The following ELOVL5 variants were observed in gnomAD, a reference collection of about 807,000 sequenced individuals.
ELOVL5 encodes very long chain fatty acid elongase 5.
In ELOVL5, 8 loss-of-function variants were observed where a neutral mutation model predicts 38.6. That is an observed-to-expected ratio of 0.21 (90% CI 0.12 to 0.37). ELOVL5 has a LOEUF of 0.37. Ranked by LOEUF, ELOVL5 falls within the 10% of genes least tolerant of loss-of-function variation. ELOVL5 has a pLI of 1.00. For synonymous variants in ELOVL5, 127 were observed against 133.7 expected, an observed-to-expected ratio of 0.95 and a Z score of 0.34; for missense variants, 280 against 367.8, an observed-to-expected ratio of 0.76 and a Z score of 1.95.
intron 1 of ELOVL5, among the ~76,000 whole-genome samples, chr6:53,306,250 AGGG>A (rs1423183807): frequency 5.6e-4 from 1 of 1,772 alleles, no homozygotes; most frequent in Non-Finnish European, 9.0e-4. Flanking sequence ...GAGAGGGGAG[AGGG>A]GAGAGGGAGA....
At chr6:53,300,083 T>C (rs1405024501) in intron 1 of ELOVL5, among the ~76,000 whole-genome samples, 1 of 152,186 alleles carries the variant, frequency 6.6e-6, no homozygotes, top group Non-Finnish European at 1.5e-5. Context: ...TCCTGAGCTG[T>C]GGATCCCAAG....
At chr6:53,296,682 C>G (rs1767014379) in intron 1 of ELOVL5, among the ~76,000 whole-genome samples, 2 of 152,160 alleles carry the variant, frequency 1.3e-5, no homozygotes, top group South Asian at 4.1e-4. Context: ...CCTCCATCTT[C>G]TAAGATTCTA....
intron 3 of ELOVL5, among the ~76,000 whole-genome samples, chr6:53,290,771 C>T (rs1298300589): frequency 6.7e-6 from 1 of 150,278 alleles, no homozygotes. Flanking sequence ...GACAGGGAGA[C>T]ACCATCATGG....
chr6:53,296,926 G>T (rs548964362), intron 1 of ELOVL5, among the ~76,000 whole-genome samples: 1 of 152,286 alleles, frequency 6.6e-6, no homozygotes, highest in Non-Finnish European at 1.5e-5. Flanking sequence ...TGTATTCACT[G>T]GCTAATTTTA....
chr6:53,333,945 G>A (rs973907241), intron 1 of ELOVL5, among the ~76,000 whole-genome samples: 7 of 152,038 alleles, frequency 4.6e-5, no homozygotes, highest in African/African-American at 4.8e-5. Context: ...ATGATACCAC[G>A]TTGCCTGTCT....
At chr6:53,287,519 G>A (rs1766617899) in intron 3 of ELOVL5, among the ~76,000 whole-genome samples, 2 of 152,170 alleles carry the variant, frequency 1.3e-5, no homozygotes, top group South Asian at 4.1e-4. Context: ...ATGCATCATA[G>A]TCCGTGGGAA....
intron 5 of ELOVL5, among the ~76,000 whole-genome samples, chr6:53,273,976 C>T (rs1460320432): frequency 2.0e-5 from 3 of 152,222 alleles, no homozygotes; most frequent in African/African-American, 4.8e-5. Flanking sequence ...CCAAACCAAG[C>T]CATCTGGCTT....
At chr6:53,311,458 T>A (rs931099301) in intron 1 of ELOVL5, among the ~76,000 whole-genome samples, 4 of 152,198 alleles carry the variant, frequency 2.6e-5, no homozygotes, top group Admixed American at 6.5e-5. Context: ...AATTACCATA[T>A]GACCCAGCAA....
intron 1 of ELOVL5, among the ~76,000 whole-genome samples, chr6:53,301,080 G>T (rs960669597): frequency 6.6e-6 from 1 of 152,270 alleles, no homozygotes; most frequent in Non-Finnish European, 1.5e-5. Context: ...ATACTCTTTT[G>T]TACTAAAGGA....
chr6:53,283,494 C>T (rs1419165235), intron 3 of ELOVL5, among the ~76,000 whole-genome samples: 3 of 152,152 alleles, frequency 2.0e-5, no homozygotes, highest in Admixed American at 2.0e-4. Flanking sequence ...AAAGGCAACA[C>T]AGCAAATGGT....
At position 53,268,081 on chromosome 6, in the gene ELOVL5, CT is replaced by C. The variant is rs1283246404; in HGVS notation, c.*1045del. ...TTTTACCTTAAAAAGTTCTAAGGTC[CT>C]TTCCCCCCCTTTGTTAATTTTGGTA... is the stretch of plus-strand genomic sequence containing the variant. On this transcript the variant is annotated 3_prime_UTR_variant, in exon 8 of 8. Coordinates refer to ENST00000304434, the MANE Select transcript of ELOVL5 (RefSeq NM_021814.5). 6.6e-6 allele frequency: 1 copy of C among 152,144 alleles called. No individual in the cohort carries two copies. The highest frequency in any genetic ancestry group is 2.4e-5 in the African/African-American group (1 of 41,426). The allele number at this position is 152,144 out of a possible 1,614,324, so 9.4% of individuals were successfully genotyped here.
Position 53,348,846 on chromosome 6 carries a change from G to C in ELOVL5, c.-38C>G, listed in dbSNP as rs1237079836. The C allele has an allele frequency of 4.4e-6, 2 of 458,868 alleles. No homozygotes were observed. The highest frequency in any genetic ancestry group is 3.1e-5 in the South Asian group (2 of 65,050). 28.4% of individuals were successfully genotyped at this position (458,868 alleles called of 1,614,324 possible). On this transcript the variant is annotated 5_prime_UTR_variant, in exon 1 of 8. Transcript: ENST00000304434. ...TAGCCCAAGGGGCGGCAGCAGCTTT[G>C]AGCAGCAGCAAGGCGGCGGCGGCGG...
intron 1 of ELOVL5, among the ~76,000 whole-genome samples, chr6:53,319,632 C>T (rs1232090950): frequency 6.6e-6 from 1 of 151,940 alleles, no homozygotes; most frequent in Non-Finnish European, 1.5e-5. Flanking sequence ...ATTAATATTC[C>T]CTATTTCCTT....
intron 1 of ELOVL5, among the ~76,000 whole-genome samples, chr6:53,308,995 A>G (rs1767714892): frequency 6.6e-6 from 1 of 152,116 alleles, no homozygotes; most frequent in South Asian, 2.1e-4. Flanking sequence ...ACACTGTGTG[A>G]CATGGTACAC....
At chr6:53,276,531 C>T (rs1166497146) in intron 3 of ELOVL5, among the ~76,000 whole-genome samples, 1 of 152,142 alleles carries the variant, frequency 6.6e-6, no homozygotes, top group Admixed American at 6.5e-5. Context: ...ACCCTCAGCC[C>T]GTCACCCCCT....
chr6:53,314,586 T>C (rs980965479), intron 1 of ELOVL5, among the ~76,000 whole-genome samples: 3 of 152,206 alleles, frequency 2.0e-5, no homozygotes, highest in Non-Finnish European at 4.4e-5. Context: ...TGGCAAGTGG[T>C]AGGGACAGAG....
chr6:53,279,667 A>G lies in ELOVL5; in HGVS notation c.247-3411T>C, dbSNP rs114826062. Among the ~76,000 whole-genome samples, 667 of 152,350 alleles carry G rather than the reference A, an allele frequency of 4.4e-3. 8 individuals are homozygous for G. The highest frequency in any genetic ancestry group is 0.015 in the African/African-American group (643 of 41,578). ...TGTGCAGCAATAAAGAGAGCTTCAT[A>G]GTATTTTAAACGAGGCTTGACTTTG... is the stretch of plus-strand genomic sequence containing the variant. On this transcript the variant is annotated intron_variant, in intron 3 of 7. Coordinates refer to ENST00000304434, the MANE Select transcript of ELOVL5 (RefSeq NM_021814.5).
chr6:53,297,907 A>G (rs1017800693), intron 1 of ELOVL5, among the ~76,000 whole-genome samples: 17 of 152,222 alleles, frequency 1.1e-4, no homozygotes, highest in Non-Finnish European at 2.5e-4. Context: ...GCTGAAGAGA[A>G]TAGGTTTAGC....
chr6:53,271,920 T>C (rs778199034), intron 6 of ELOVL5, among the ~76,000 whole-genome samples: 3 of 152,230 alleles, frequency 2.0e-5, no homozygotes, highest in Admixed American at 1.3e-4. Flanking sequence ...TAAATTCTGC[T>C]TCCGCCAGAC....
Sources: allele counts gnomAD v4.1 joint callset (sites outside exome capture counted in the v4.1 genomes callset), GRCh38; gene constraint gnomAD v4.1.1; transcripts MANE v1.5; gene names NCBI Gene and HGNC (gene_info 2026-07-23, HGNC 2026-07-21).